Variants in CXADR observed in about 807,000 individuals in gnomAD.
The protein encoded by CXADR is coxsackievirus and adenovirus receptor.
A neutral mutation model predicts 40.3 loss-of-function variants in CXADR; 20 were observed. The ratio of observed to expected loss-of-function variants is 0.50; its 90% confidence interval spans 0.35 to 0.72. The LOEUF is 0.72. Among genes scored for constraint, CXADR ranks in the 30% least tolerant of loss-of-function variants. The pLI is 0.01. For synonymous variants in CXADR, 150 were observed against 161.3 expected, an observed-to-expected ratio of 0.93 and a Z score of 0.53; for missense variants, 332 against 449.1, an observed-to-expected ratio of 0.74 and a Z score of 2.36.
chr21:17,534,996 G>A (rs1303928845), intron 1 of CXADR, among the ~76,000 whole-genome samples: 1 of 151,976 alleles, frequency 6.6e-6, no homozygotes, highest in Non-Finnish European at 1.5e-5. Context: ...TGGCCAGGCT[G>A]GTCTCAAACT....
chr21:17,560,490 TCATGGTTACTTTCACCTTGATA>T (rs2061102234), intron 4 of CXADR, among the ~76,000 whole-genome samples, 190 bp from the exon 5 acceptor site: 2 of 152,170 alleles, frequency 1.3e-5, no homozygotes, highest in Non-Finnish European at 2.9e-5. Flanking sequence ...CTGCAGGGGA[TCATGGTTACTTTCACCTTGATA>T]CATGTGAACT....
intron 1 of CXADR, among the ~76,000 whole-genome samples, chr21:17,521,719 G>A (rs1569074229): frequency 6.6e-6 from 1 of 152,182 alleles, no homozygotes; most frequent in Non-Finnish European, 1.5e-5. Flanking sequence ...AGCTTTGCAT[G>A]TGTGGCCTTA....
At chr21:17,529,807 A>G in intron 1 of CXADR, among the ~76,000 whole-genome samples, 1 of 152,124 alleles carries the variant, frequency 6.6e-6, no homozygotes, top group East Asian at 1.9e-4. Flanking sequence ...ATTTTTATAA[A>G]CGTACAGGGT....
At chr21:17,594,151 G>A (rs1156423604), downstream of CXADR, 3 of 1,613,300 alleles carry the variant, frequency 1.9e-6, no homozygotes, top group Non-Finnish European at 2.5e-6. Context: ...ATGCATTCCA[G>A]GAGGAGGTAC....
the CXADR span, among the ~76,000 whole-genome samples, chr21:17,629,472 G>A: frequency 7.1e-3 from 1,085 of 152,096 alleles, 77 homozygotes; most frequent in East Asian, 0.15. Context: ...GGCTGATGTC[G>A]GAGGATTACC....
intron 1 of CXADR, chr21:17,518,980 T>C: frequency 1.9e-6 from 3 of 1,608,784 alleles, no homozygotes; most frequent in Non-Finnish European, 2.6e-6. Flanking sequence ...TTTGGCTAAC[T>C]TTTCTTGATT....
chr21:17,613,048 C>G, the CXADR span: 2 of 152,094 alleles, frequency 1.3e-5, no homozygotes, highest in East Asian at 2.0e-4. Flanking sequence ...AGGCCACCCC[C>G]GAGCCCCGGG....
chr21:17,571,803 T>C (rs977935248), downstream of CXADR, among the ~76,000 whole-genome samples: 10 of 152,316 alleles, frequency 6.6e-5, 2 homozygotes, highest in Admixed American at 6.5e-4. Flanking sequence ...TTGGGATACT[T>C]CTGTGCCCTC....
At chr21:17,532,536 TTGGCCTAG>T (rs2060691986) in intron 1 of CXADR, among the ~76,000 whole-genome samples, 3 of 152,316 alleles carry the variant, frequency 2.0e-5, no homozygotes, top group African/African-American at 7.2e-5. Flanking sequence ...TAAATCTGAT[TTGGCCTAG>T]GACACCGATG....
chr21:17,528,263 A>G (rs1197545286), intron 1 of CXADR, among the ~76,000 whole-genome samples: 1 of 151,248 alleles, frequency 6.6e-6, no homozygotes, highest in Non-Finnish European at 1.5e-5. Context: ...TTTAGTAAAG[A>G]CGGGGTTTCA....
At chr21:17,613,060 C>T in the CXADR span, 70 of 152,110 alleles carry the variant, frequency 4.6e-4, no homozygotes, top group African/African-American at 1.6e-3. Context: ...AGCCCCGGGC[C>T]TAGCCGCACG....
At chr21:17,603,317 A>G in the CXADR span, among the ~76,000 whole-genome samples, 2 of 152,210 alleles carry the variant, frequency 1.3e-5, no homozygotes, top group Non-Finnish European at 2.9e-5. Context: ...TCTCAGACCT[A>G]AATTTGAGAT....
In CXADR at chr21:17,525,725, A is replaced by G. The variant is rs78094284; in HGVS notation, c.43+12553A>G. On this transcript the variant is annotated intron_variant, in intron 1 of 6. Transcript: ENST00000284878. Reference sequence around the variant, plus strand: ...GTAAATCTGGATGAGCAAAATGATCATATCTTATTTTTAAAGACAATTGCA... The same window carrying G: ...GTAAATCTGGATGAGCAAAATGATCGTATCTTATTTTTAAAGACAATTGCA... Among the ~76,000 whole-genome samples the G allele has an allele frequency of 7.5e-4, 115 of 152,344 alleles. 2 individuals carry two copies. In the East Asian group the frequency reaches 0.019, roughly 25 times the overall value.
At chr21:17,594,635 G>A (rs902702773), downstream of CXADR, among the ~76,000 whole-genome samples, 2 of 152,114 alleles carry the variant, frequency 1.3e-5, no homozygotes, top group Admixed American at 1.3e-4. Context: ...GGACATGCTT[G>A]TTTTAGTCCA....
intron 2 of CXADR, among the ~76,000 whole-genome samples, chr21:17,548,422 G>A (rs967550301): frequency 2.0e-5 from 3 of 152,054 alleles, no homozygotes; most frequent in South Asian, 2.1e-4. Flanking sequence ...AAAATAAATC[G>A]GGCCTGACTC....
At chr21:17,531,348 G>A (rs1224493383) in intron 1 of CXADR, among the ~76,000 whole-genome samples, 1 of 151,422 alleles carries the variant, frequency 6.6e-6, no homozygotes, top group Non-Finnish European at 1.5e-5. Context: ...TTCCAGTTGC[G>A]CTACATCCTT....
At chr21:17,560,392 G>A (rs547692115) in intron 4 of CXADR, among the ~76,000 whole-genome samples, 1 of 152,116 alleles carries the variant, frequency 6.6e-6, no homozygotes, top group East Asian at 1.9e-4. Flanking sequence ...TGTGGAATGC[G>A]GTAGCGTTTA....
At chr21:17,579,288 T>C (rs7278125) in intron 7 of CXADR, among the ~76,000 whole-genome samples, 1 of 84,736 alleles carries the variant, frequency 1.2e-5, no homozygotes, top group African/African-American at 4.9e-5. Flanking sequence ...TTCTTCTCTT[T>C]TCTTTTTTTT....
intron 1 of CXADR, among the ~76,000 whole-genome samples, chr21:17,514,250 T>C (rs2060430017): frequency 6.6e-6 from 1 of 152,100 alleles, no homozygotes; most frequent in African/African-American, 2.4e-5. Flanking sequence ...AGTGGCCCTT[T>C]CTGTTGGGAT....
Sources: allele counts gnomAD v4.1 joint callset (sites outside exome capture counted in the v4.1 genomes callset), GRCh38; gene constraint gnomAD v4.1.1; transcripts MANE v1.5; gene names NCBI Gene and HGNC (gene_info 2026-07-23, HGNC 2026-07-21).